The following SLC14A2 variants were observed in gnomAD, a reference collection of about 807,000 sequenced individuals.
The protein encoded by SLC14A2 is urea transporter 2.
In SLC14A2, 91 loss-of-function variants were observed where a neutral mutation model predicts 104.6. The ratio of observed to expected loss-of-function variants is 0.87; its 90% CI spans 0.73 to 1.04. The LOEUF (loss-of-function observed/expected upper bound fraction) is 1.04. Among genes scored for constraint, SLC14A2 ranks in the 50% least tolerant of loss-of-function variants. The pLI, the probability that SLC14A2 is intolerant of heterozygous loss-of-function variation, is 0.00. For synonymous variants in SLC14A2, 476 were observed against 466.4 expected, an observed-to-expected ratio of 1.02 and a Z score of -0.27; for missense variants, 1,189 against 1,156.0, an observed-to-expected ratio of 1.03 and a Z score of -0.41.
intron 2 of SLC14A2, among the ~76,000 whole-genome samples, chr18:45,526,153 A>G (rs995730397): frequency 2.0e-5 from 3 of 152,212 alleles, no homozygotes; most frequent in Non-Finnish European, 4.4e-5. Context: ...TTATGCAGGG[A>G]AAGTCTTTAG....
At chr18:45,485,983 C>T (rs535717059) in intron 2 of SLC14A2, among the ~76,000 whole-genome samples, 1 of 151,742 alleles carries the variant, frequency 6.6e-6, no homozygotes, top group Non-Finnish European at 1.5e-5. Context: ...TCTGTCAAAT[C>T]AAGTGGATGA....
intron 2 of SLC14A2, among the ~76,000 whole-genome samples, chr18:45,543,563 C>T (rs971269215): frequency 1.3e-5 from 2 of 152,174 alleles, no homozygotes; most frequent in Non-Finnish European, 2.9e-5. Flanking sequence ...CTCTAAACTC[C>T]TTTCAGTATT....
chr18:45,586,959 C>G lies in SLC14A2; in HGVS notation c.-34-37672C>G, dbSNP rs144776050. On this transcript the variant is annotated intron_variant, in intron 2 of 20. Coordinates refer to the SLC14A2 transcript ENST00000586448. ...GCAGGAGTAAGAATAACTGTCCTTACTAGAAAAAAAAAAGTTTATTCTTCT... is the reference window on the plus strand; with the variant it reads ...GCAGGAGTAAGAATAACTGTCCTTAGTAGAAAAAAAAAAGTTTATTCTTCT... Among the ~76,000 whole-genome samples, 80 of 151,352 alleles carry G rather than the reference C, an allele frequency of 5.3e-4. 2 individuals are homozygous for G. In the East Asian group the frequency reaches 0.014, roughly 26 times the overall value.
At chr18:45,292,035 G>A (rs1599648927) in intron 1 of SLC14A2, among the ~76,000 whole-genome samples, 4 of 152,086 alleles carry the variant, frequency 2.6e-5, no homozygotes, top group Non-Finnish European at 4.4e-5. Flanking sequence ...CTTTCCTGGC[G>A]GAGACAGTGT....
chr18:45,385,906 C>T (rs75630975), intron 1 of SLC14A2, among the ~76,000 whole-genome samples: 2,234 of 152,252 alleles, frequency 0.015, 49 homozygotes, highest in African/African-American at 0.05. Context: ...GGGCTTGAAG[C>T]AGCTGAAGCT....
intron 1 of SLC14A2, among the ~76,000 whole-genome samples, chr18:45,464,028 T>C (rs969700500): frequency 1.3e-5 from 2 of 152,168 alleles, no homozygotes; most frequent in Non-Finnish European, 1.5e-5. Flanking sequence ...TTAAAATAAA[T>C]GAGATACAAG....
intron 1 of SLC14A2, among the ~76,000 whole-genome samples, chr18:45,455,950 C>T (rs1048615942): frequency 1.1e-4 from 16 of 151,898 alleles, no homozygotes; most frequent in African/African-American, 3.4e-4. Context: ...TGAGCACACA[C>T]CTAAAGTAAA....
chr18:45,560,027 C>G (rs1599005275), intron 2 of SLC14A2, among the ~76,000 whole-genome samples: 2 of 152,332 alleles, frequency 1.3e-5, no homozygotes, highest in South Asian at 2.1e-4. Flanking sequence ...TCTGCCTACA[C>G]GTTGCCCTGG....
chr18:45,262,374 C>T (rs2084548242), intron 1 of SLC14A2, among the ~76,000 whole-genome samples: 1 of 152,082 alleles, frequency 6.6e-6, no homozygotes, highest in Admixed American at 6.5e-5. Flanking sequence ...CATGCTGCCC[C>T]TTGGGAAACA....
chr18:45,175,433 G>A, the SLC14A2 span, among the ~76,000 whole-genome samples: 1 of 152,054 alleles, frequency 6.6e-6, no homozygotes, highest in African/African-American at 2.4e-5. Flanking sequence ...AAATCCTCTG[G>A]AAGATTCAGG....
intron 2 of SLC14A2, chr18:45,485,120 C>T (rs1023476212): frequency 4.6e-5 from 7 of 152,136 alleles, no homozygotes; most frequent in South Asian, 2.1e-4. Flanking sequence ...AAAGGAGATT[C>T]GCTATGATCA....
At chr18:45,199,366 CAG>C in the SLC14A2 span, among the ~76,000 whole-genome samples, 1 of 152,128 alleles carries the variant, frequency 6.6e-6, no homozygotes, top group African/African-American at 2.4e-5. Flanking sequence ...TCTTATCAGA[CAG>C]ATATTGTTGC....
chr18:45,239,528 T>A (rs2084289544), intron 1 of SLC14A2, among the ~76,000 whole-genome samples: 1 of 152,220 alleles, frequency 6.6e-6, no homozygotes, highest in Non-Finnish European at 1.5e-5. Context: ...CCTTGCAAGG[T>A]GCCTGCTGTG....
At chr18:45,299,756 C>T (rs2084950290) in intron 1 of SLC14A2, among the ~76,000 whole-genome samples, 1 of 152,192 alleles carries the variant, frequency 6.6e-6, no homozygotes, top group South Asian at 2.1e-4. Context: ...CCCACCGTGC[C>T]CGGCACATCC....
At chr18:45,424,567 G>A (rs1471520451) in intron 1 of SLC14A2, among the ~76,000 whole-genome samples, 2 of 152,230 alleles carry the variant, frequency 1.3e-5, no homozygotes, top group African/African-American at 4.8e-5. Context: ...ACTGTGCACA[G>A]GCATGAGTAG....
chr18:45,678,897 A>G, intron 18 of SLC14A2, 78 bp from the exon 19 acceptor site: 2 of 1,303,738 alleles, frequency 1.5e-6, no homozygotes, highest in East Asian at 4.8e-5. Flanking sequence ...ATTGATGGGA[A>G]GAGAATATGT....
At chr18:45,263,043 T>G (rs2084555619) in intron 1 of SLC14A2, among the ~76,000 whole-genome samples, 2 of 152,348 alleles carry the variant, frequency 1.3e-5, no homozygotes, top group South Asian at 4.1e-4. Flanking sequence ...CAAGATTTTA[T>G]TTGAATTTCA....
chr18:45,449,176 C>A (rs1362839511), intron 1 of SLC14A2, among the ~76,000 whole-genome samples: 2 of 152,346 alleles, frequency 1.3e-5, no homozygotes, highest in East Asian at 3.9e-4. Flanking sequence ...GCCTGAGCAT[C>A]TTTTTTCTTT....
intron 2 of SLC14A2, among the ~76,000 whole-genome samples, chr18:45,510,584 C>A (rs969937054): frequency 6.6e-6 from 1 of 152,008 alleles, no homozygotes; most frequent in Non-Finnish European, 1.5e-5. Context: ...CAGGGTCCTG[C>A]CTCCCGAAAG....
Sources: allele counts gnomAD v4.1 joint callset (sites outside exome capture counted in the v4.1 genomes callset), GRCh38; gene constraint gnomAD v4.1.1; transcripts MANE v1.5; gene names NCBI Gene and HGNC (gene_info 2026-07-23, HGNC 2026-07-21).